PARD3: variants seen among roughly 807,000 people sequenced by gnomAD.
PARD3 encodes partitioning defective 3 homolog.
Under a neutral mutation model 155.4 loss-of-function variants are expected in PARD3, and 75 were observed. The observed-to-expected ratio is 0.48, with a 90% CI of 0.40 to 0.58. The LOEUF (loss-of-function observed/expected upper bound fraction) is 0.58. PARD3 is among the 20% of genes least tolerant of loss of function. The probability of loss-of-function intolerance (pLI) is 0.00; values close to 1 mark genes in which losing one functional copy is unlikely to be tolerated. For missense variants in PARD3, 1,642 were observed against 1,721.7 expected, an observed-to-expected ratio of 0.95 and a Z score of 0.82; for synonymous variants, 576 against 610.5, an observed-to-expected ratio of 0.94 and a Z score of 0.83.
At position 34,357,910 on chromosome 10, in the gene PARD3, G is replaced by A. The variant is rs75144393; in HGVS notation, c.2067+1237C>T. Among the ~76,000 whole-genome samples, 1,393 of 152,268 alleles carry A rather than the reference G, an allele frequency of 9.1e-3. 21 individuals carry two copies. The highest frequency in any genetic ancestry group is 0.032 in the African/African-American group (1,324 of 41,550). ...AGAGTATATTTTCTCTGTAAAATAT[G>A]CTTGTATCATAGGTTCAGATGAGTG... On this transcript the variant is annotated intron_variant, in intron 14 of 24. Coordinates refer to ENST00000374788, the MANE Select transcript of PARD3 (RefSeq NM_001184785.2).
intron 2 of PARD3, among the ~76,000 whole-genome samples, chr10:34,674,796 G>C (rs1309521425): frequency 6.6e-6 from 1 of 151,960 alleles, no homozygotes; most frequent in Non-Finnish European, 1.5e-5. Context: ...CCTCACTCTT[G>C]AATTCTTTCC....
chr10:34,449,597 A>AT (rs1234006303), intron 5 of PARD3, among the ~76,000 whole-genome samples: 4 of 133,132 alleles, frequency 3.0e-5, no homozygotes, highest in Non-Finnish European at 6.2e-5. Flanking sequence ...AACTTAAAGT[A>AT]TAAAAAAAAA....
intron 22 of PARD3, among the ~76,000 whole-genome samples, chr10:34,220,933 T>A (rs657477): frequency 0.23 from 35,426 of 152,140 alleles, 5,164 homozygotes; most frequent in Non-Finnish European, 0.31. Flanking sequence ...AGGAAAGGGC[T>A]AGGAATGGGA....
chr10:34,111,373 C>T lies in PARD3; in HGVS notation c.3858G>A (p.Gln1286=). 6.2e-7 allele frequency: 1 copy of T among 1,614,138 alleles called. No homozygotes were observed. The highest frequency in any genetic ancestry group is 8.5e-7 in the Non-Finnish European group (1 of 1,179,996). Residue 1286 remains glutamine (Q), a synonymous_variant, in exon 25 of 25, where the codon CAG becomes CAA. Transcript: ENST00000374788. ...TCTGCTGCTCCTTCCGCCTCTGTTCCTGGCGAAGGAGCTCCTGAGTTTCCA... is the reference window on the plus strand; with the variant it reads ...TCTGCTGCTCCTTCCGCCTCTGTTCTTGGCGAAGGAGCTCCTGAGTTTCCA... ...VMLETQELLR[Q]EQRRKEQQMK...
chr10:34,543,799 T>G (rs2083830333), intron 2 of PARD3, among the ~76,000 whole-genome samples: 1 of 152,172 alleles, frequency 6.6e-6, no homozygotes, highest in African/African-American at 2.4e-5. Flanking sequence ...CAGCAGCCAG[T>G]ATCCTAGGAT....
At chr10:34,287,699 T>C (rs558833330) in intron 20 of PARD3, among the ~76,000 whole-genome samples, 2 of 152,342 alleles carry the variant, frequency 1.3e-5, no homozygotes, top group South Asian at 4.1e-4. Context: ...GTCTCATATA[T>C]ATATGAACTC....
rs185743590 is a variant in PARD3 at position 34,277,994 on chromosome 10, C to G, written c.3176+6141G>C. On this transcript the variant is annotated intron_variant, in intron 21 of 24. Transcript: ENST00000374788. ...CACTACTAACTCCAGCCCCACTGGT[C>G]GTTCCCCTTCCCAAAGCTCTGTAAT... Among the ~76,000 whole-genome samples the G allele has an allele frequency of 9.4e-4, 143 of 152,254 alleles. 2 individuals are homozygous for G. Among genetic ancestry groups the G allele is most frequent in the Middle Eastern group, 6.8e-3 (2 of 294 alleles).
intron 3 of PARD3, among the ~76,000 whole-genome samples, chr10:34,512,355 C>T (rs2081450701): frequency 6.6e-6 from 1 of 152,190 alleles, no homozygotes; most frequent in African/African-American, 2.4e-5. Flanking sequence ...TACACTCATG[C>T]ATGTATTGCT....
intron 2 of PARD3, among the ~76,000 whole-genome samples, chr10:34,552,967 G>A (rs2084707259): frequency 6.6e-6 from 1 of 152,178 alleles, no homozygotes; most frequent in Non-Finnish European, 1.5e-5. Flanking sequence ...CCAACTTGAA[G>A]TGACTTCGTC....
chr10:34,168,138 T>C (rs974002609), intron 22 of PARD3, among the ~76,000 whole-genome samples: 5 of 152,210 alleles, frequency 3.3e-5, no homozygotes, highest in Admixed American at 6.5e-5. Flanking sequence ...TTGGTATCTG[T>C]TGTTGAAATA....
chr10:34,327,086 T>A (rs1835102015), intron 19 of PARD3, among the ~76,000 whole-genome samples: 1 of 152,214 alleles, frequency 6.6e-6, no homozygotes, highest in Non-Finnish European at 1.5e-5. Context: ...AACAAAGCAA[T>A]CTTACTGCAT....
rs371513714 is a variant in PARD3 at position 34,213,282 on chromosome 10, A to C, written c.3419+56375T>G. Among the ~76,000 whole-genome samples the C allele has an allele frequency of 2.1e-3, 318 of 151,956 alleles. 1 individual carries two copies. The highest frequency in any genetic ancestry group is 7.2e-3 in the African/African-American group (299 of 41,450). On this transcript the variant is annotated intron_variant, in intron 22 of 24. Coordinates refer to ENST00000374788, the MANE Select transcript of PARD3 (RefSeq NM_001184785.2). ...AAGAAAGAGAAACTGAGGAAGCCGG[A>C]CTCCTTTAACAATCTGCTTTGCTGG...
intron 2 of PARD3, among the ~76,000 whole-genome samples, chr10:34,565,187 A>C (rs907688538): frequency 6.7e-6 from 1 of 148,778 alleles, no homozygotes; most frequent in Non-Finnish European, 1.5e-5. Flanking sequence ...AGCTAGTTTA[A>C]TTATATTAAG....
chr10:34,188,281 T>C (rs1050247773), intron 22 of PARD3, among the ~76,000 whole-genome samples: 3 of 152,224 alleles, frequency 2.0e-5, no homozygotes, highest in Non-Finnish European at 2.9e-5. Context: ...AACACAGTCC[T>C]AAGTAAGCAC....
intron 3 of PARD3, among the ~76,000 whole-genome samples, chr10:34,485,604 T>C (rs537583466): frequency 6.6e-6 from 1 of 152,248 alleles, no homozygotes; most frequent in South Asian, 2.1e-4. Flanking sequence ...TAAGTTATTA[T>C]CTAAAGATCT....
intron 22 of PARD3, among the ~76,000 whole-genome samples, chr10:34,154,818 T>C (rs1029614586): frequency 1.3e-5 from 2 of 152,180 alleles, no homozygotes; most frequent in African/African-American, 4.8e-5. Context: ...CATGTTTCTT[T>C]CCCGGTTAAT....
intron 1 of PARD3, among the ~76,000 whole-genome samples, chr10:34,792,156 C>G (rs1168117086): frequency 6.6e-6 from 1 of 152,086 alleles, no homozygotes; most frequent in Non-Finnish European, 1.5e-5. Context: ...TAGCTCTCCC[C>G]GGACGTGCGC....
At chr10:34,178,184 G>A (rs2133172996) in intron 22 of PARD3, among the ~76,000 whole-genome samples, 1 of 152,298 alleles carries the variant, frequency 6.6e-6, no homozygotes, top group Non-Finnish European at 1.5e-5. Flanking sequence ...GATGCATTGT[G>A]AATAAGCTAA....
intron 2 of PARD3, among the ~76,000 whole-genome samples, chr10:34,648,516 A>T (rs577543455): frequency 6.6e-6 from 1 of 152,180 alleles, no homozygotes; most frequent in Non-Finnish European, 1.5e-5. Flanking sequence ...GCTTGGGAGG[A>T]TGGTTTCAGG....
Sources: gnomAD v4.1 joint callset for allele counts (sites outside exome capture counted in the v4.1 genomes callset) on GRCh38, gnomAD v4.1.1 for gene constraint, MANE v1.5 for transcripts, NCBI Gene and HGNC (gene_info 2026-07-23, HGNC 2026-07-21) for gene names.